The following VTI1B variants were observed in gnomAD, a reference collection of about 807,000 sequenced individuals.
VTI1B encodes vesicle transport through interaction with t-SNAREs 1B.
In VTI1B, 18 loss-of-function variants were observed where a neutral mutation model predicts 28.6. The ratio of observed to expected loss-of-function variants is 0.63; its 90% CI spans 0.43 to 0.93. VTI1B has a LOEUF of 0.93. Ranked by LOEUF, VTI1B falls within the 40% of genes least tolerant of loss-of-function variation. The pLI is 0.00. For missense variants in VTI1B, 283 were observed against 297.0 expected, an observed-to-expected ratio of 0.95 and a Z score of 0.35; for synonymous variants, 100 against 107.9, an observed-to-expected ratio of 0.93 and a Z score of 0.46.
intron 1 of VTI1B, chr14:67,663,051 G>C (rs2037359102): frequency 6.9e-7 from 1 of 1,454,298 alleles, no homozygotes; most frequent in East Asian, 2.6e-5. Context: ...GAGGCTGTCT[G>C]GTGTGGTGCT....
At chr14:67,656,245 CAA>C (rs35058430) in intron 4 of VTI1B, among the ~76,000 whole-genome samples, 169 bp downstream of exon 4, 75 of 126,940 alleles carry the variant, frequency 5.9e-4, no homozygotes, top group African/African-American at 6.5e-4. Flanking sequence ...GACTCTATCT[CAA>C]AAAAAAAAAA....
chr14:67,659,876 C>T lies in VTI1B; in HGVS notation c.221G>A (p.Arg74Gln), dbSNP rs752662265. ...EELRYAPLSFRNPMMSKLRNY... is the reference protein window; with the variant it reads ...EELRYAPLSFQNPMMSKLRNY... Reference sequence around the variant, plus strand: ...TCGAAGCTTAGACATCATGGGGTTTCGGAAAGACAGGGGTGCATAACGTAG... The same window carrying T: ...TCGAAGCTTAGACATCATGGGGTTTTGGAAAGACAGGGGTGCATAACGTAG... The change falls in exon 3 of 6, where the codon CGA (arginine) becomes CAA (glutamine). Residue 74 changes from arginine (R) to glutamine (Q), a missense_variant. Coordinates refer to ENST00000554659, the MANE Select transcript of VTI1B (RefSeq NM_006370.3). 37 of 1,614,004 alleles carry T rather than the reference C, an allele frequency of 2.3e-5. No individual in the cohort carries two copies. Among genetic ancestry groups the T allele is most frequent in the Non-Finnish European group, 2.5e-5 (30 of 1,180,042 alleles).
chr14:67,657,617 CA>C (rs1566812516), intron 3 of VTI1B, among the ~76,000 whole-genome samples: 1 of 151,232 alleles, frequency 6.6e-6, no homozygotes, highest in African/African-American at 2.5e-5. Flanking sequence ...CACACACACA[CA>C]CACACCCAAA....
Position 67,648,329 on chromosome 14 carries a change from T to G in VTI1B, c.*3056A>C. ...TTTGTAGCTAAAAATTATATGGCCA[T>G]GCTAATAAAAAGGATATAGTCCTTT... On this transcript the variant is annotated 3_prime_UTR_variant, in exon 6 of 6. Coordinates refer to ENST00000554659, the MANE Select transcript of VTI1B (RefSeq NM_006370.3). 7 of 851,162 alleles carry G rather than the reference T, an allele frequency of 8.2e-6. No homozygotes were observed. The highest frequency in any genetic ancestry group is 1.2e-5 in the Non-Finnish European group (7 of 576,622). 52.7% of individuals were successfully genotyped at this position (851,162 alleles called of 1,614,324 possible). A position where few individuals can be genotyped will look rare whatever the true frequency, so the allele number is the denominator to read the frequency against.
chr14:67,667,409 T>C (rs986157516), intron 1 of VTI1B, among the ~76,000 whole-genome samples: 1 of 152,152 alleles, frequency 6.6e-6, no homozygotes, highest in Non-Finnish European at 1.5e-5. Context: ...TCCCACACCA[T>C]ACAAGAGTTA....
intron 3 of VTI1B, among the ~76,000 whole-genome samples, chr14:67,656,839 TG>T (rs1323695657): frequency 6.6e-6 from 1 of 152,142 alleles, no homozygotes; most frequent in Admixed American, 6.5e-5. Context: ...CAAGGAAAGA[TG>T]GATTAAAAAT....
intron 5 of VTI1B, 57 bp downstream of exon 5, chr14:67,653,380 C>A (rs2037212742): frequency 6.6e-7 from 1 of 1,519,426 alleles, no homozygotes; most frequent in African/African-American, 1.4e-5. Flanking sequence ...CTATTTTAAG[C>A]TTTTTGGTTG....
intron 2 of VTI1B, 85 bp from the exon 3 acceptor site, chr14:67,660,007 A>G: frequency 3.7e-6 from 5 of 1,348,352 alleles, no homozygotes; most frequent in Non-Finnish European, 5.1e-6. Context: ...TAATCAAACT[A>G]CTTATTTATT....
At chr14:67,670,028 A>G (rs1457311324) in intron 1 of VTI1B, among the ~76,000 whole-genome samples, 1 of 152,160 alleles carries the variant, frequency 6.6e-6, no homozygotes, top group Non-Finnish European at 1.5e-5. Flanking sequence ...CCGGGAAGCC[A>G]AGGCTGCAGT....
chr14:67,657,553 G>A (rs1443572926), intron 3 of VTI1B, among the ~76,000 whole-genome samples: 1 of 151,850 alleles, frequency 6.6e-6, no homozygotes, highest in East Asian at 1.9e-4. Context: ...TGACAGAAAC[G>A]GAGGCAGCTC....
chr14:67,650,740 T>G lies in VTI1B; in HGVS notation c.*645A>C, dbSNP rs147982459. 1,006 of 1,614,056 alleles carry G rather than the reference T, an allele frequency of 6.2e-4. 4 individuals carry two copies. Among genetic ancestry groups the G allele is most frequent in the Middle Eastern group, 6.0e-3 (36 of 5,984 alleles). Reference sequence around the variant, plus strand: ...GGTTGCTATCAGCACTGGATCTTGTTGAAGTCAATCCTCAGTTGGCCACCT... The same window carrying G: ...GGTTGCTATCAGCACTGGATCTTGTGGAAGTCAATCCTCAGTTGGCCACCT... On this transcript the variant is annotated 3_prime_UTR_variant, in exon 6 of 6. Transcript: ENST00000554659.
rs1464876692 is a variant in VTI1B at position 67,648,120 on chromosome 14, C to A, written c.*3265G>T. On this transcript the variant is annotated 3_prime_UTR_variant, in exon 6 of 6. Transcript: ENST00000554659. Reference sequence around the variant, plus strand: ...TACACTGGCTCCAGCCACAGGAACTCCTGTTGTCGGGGGACTAACCTATCG... The same window carrying A: ...TACACTGGCTCCAGCCACAGGAACTACTGTTGTCGGGGGACTAACCTATCG... The A allele has an allele frequency of 6.2e-7, 1 of 1,613,908 alleles. No individual in the cohort carries two copies. Among genetic ancestry groups the A allele is most frequent in the East Asian group, 2.2e-5 (1 of 44,886 alleles).
chr14:67,666,200 T>C (rs2037400525), intron 1 of VTI1B, among the ~76,000 whole-genome samples: 1 of 152,216 alleles, frequency 6.6e-6, no homozygotes, highest in South Asian at 2.1e-4. Flanking sequence ...TCCTAGACTT[T>C]TCTACAACTG....
chr14:67,658,753 T>C (rs758240659), intron 3 of VTI1B, among the ~76,000 whole-genome samples: 8 of 152,224 alleles, frequency 5.3e-5, no homozygotes, highest in Non-Finnish European at 5.9e-5. Flanking sequence ...TTACAAGTGA[T>C]CTTCTGTCAG....
At position 67,648,527 on chromosome 14, in the gene VTI1B, G is replaced by A. The variant is rs1277841530; in HGVS notation, c.*2858C>T. The A allele has an allele frequency of 5.8e-6, 1 of 172,610 alleles. No homozygotes were observed. The highest frequency in any genetic ancestry group is 6.1e-5 in the Admixed American group (1 of 16,354). The allele number at this position is 172,610 out of a possible 1,614,324, so 10.7% of individuals were successfully genotyped here. A position where few individuals can be genotyped will look rare whatever the true frequency, so the allele number is the denominator to read the frequency against. On this transcript the variant is annotated 3_prime_UTR_variant, in exon 6 of 6. Coordinates refer to ENST00000554659, the MANE Select transcript of VTI1B (RefSeq NM_006370.3). Reference sequence around the variant, plus strand: ...CAAGATAAGATAAGAGTGCAAGGCTGTAATTTGCACTCTAAGAGATTGGTT... The same window carrying A: ...CAAGATAAGATAAGAGTGCAAGGCTATAATTTGCACTCTAAGAGATTGGTT...
chr14:67,668,742 T>C (rs2037432342), intron 1 of VTI1B, among the ~76,000 whole-genome samples: 1 of 152,182 alleles, frequency 6.6e-6, no homozygotes, highest in Admixed American at 6.5e-5. Context: ...TGGAGGGCTG[T>C]GAAAACACAC....
rs539648989 is a variant in VTI1B, at chr14:67,661,855, C to A, written c.174+622G>T. ...ACCAGTAACCTATCTTAATGGCCAG[C>A]TCTTAAAAACAGATTTTAGGCCAGG... On this transcript the variant is annotated intron_variant, in intron 2 of 5. Transcript: ENST00000554659. Among the ~76,000 whole-genome samples the A allele has an allele frequency of 2.0e-5, 3 of 152,234 alleles. No individual in the cohort carries two copies. The South Asian group carries it at 6.2e-4, about 32-fold the overall frequency.
Position 67,672,140 on chromosome 14 carries a change from G to A in VTI1B, c.115+2235C>T, listed in dbSNP as rs1044843859. Among the ~76,000 whole-genome samples the A allele has an allele frequency of 3.1e-4, 45 of 144,638 alleles. 1 individual carries two copies. The highest frequency in any genetic ancestry group is 1.1e-3 in the African/African-American group (44 of 39,824). The allele number at this position is 144,638 out of a possible 152,430, so 94.9% of individuals were successfully genotyped here. A position where few individuals can be genotyped will look rare whatever the true frequency, so the allele number is the denominator to read the frequency against. ...CAGTCTACATTTTTTTTTTTTTTTG[G>A]GAGAGTCTTGCTCTGTGGTCCAGGC... On this transcript the variant is annotated intron_variant, in intron 1 of 5. Coordinates refer to ENST00000554659, the MANE Select transcript of VTI1B (RefSeq NM_006370.3).
intron 1 of VTI1B, among the ~76,000 whole-genome samples, chr14:67,667,868 C>T (rs111669546): frequency 0.028 from 4,264 of 152,050 alleles, 215 homozygotes; most frequent in African/African-American, 0.098. Context: ...GGCGTGAACC[C>T]GGAAGGCAGA....
Sources: gnomAD v4.1 joint callset for allele counts (sites outside exome capture counted in the v4.1 genomes callset) on GRCh38, gnomAD v4.1.1 for gene constraint, MANE v1.5 for transcripts, NCBI Gene and HGNC (gene_info 2026-07-23, HGNC 2026-07-21) for gene names.